The following MAP3K4 variants were observed in gnomAD, a reference collection of about 807,000 sequenced individuals.
The protein encoded by MAP3K4 is mitogen-activated protein kinase kinase kinase 4.
A neutral mutation model predicts 185.6 loss-of-function variants in MAP3K4; 67 were observed. The observed-to-expected ratio is 0.36, with a 90% CI of 0.30 to 0.44. The LOEUF (loss-of-function observed/expected upper bound fraction) is 0.44. Among genes scored for constraint, MAP3K4 ranks in the 20% least tolerant of loss-of-function variants. The probability of loss-of-function intolerance (pLI) is 1.00; values close to 1 mark genes in which losing one functional copy is unlikely to be tolerated. For missense variants in MAP3K4, 1,551 were observed against 1,995.1 expected (o/e 0.78, Z 4.24); for synonymous variants, 702 against 710.4 (o/e 0.99, Z 0.19).
At position 161,091,987 on chromosome 6, in the gene MAP3K4, A is replaced by T. The variant is rs757911317; in HGVS notation, c.3136-23A>T. On this transcript the variant is annotated intron_variant, in intron 12 of 26. Coordinates refer to ENST00000392142, the MANE Select transcript of MAP3K4 (RefSeq NM_005922.4). This position sits in a 1 kb window ranked among gnomAD's most constrained non-coding sequence, Gnocchi z 5.5. ...TTTAATGATCATTTCCTTAATGTTG[A>T]TATACATGAAATCTTCTTACAGTAT... 8.2e-6 allele frequency: 13 copies of T among 1,589,928 alleles called. No homozygotes were observed. Among genetic ancestry groups the T allele is most frequent in the Non-Finnish European group, 1.1e-5 (13 of 1,158,542 alleles).
rs1785417211 is a variant in MAP3K4 at position 161,080,818 on chromosome 6, G to T, written c.2098-63G>T. The stretch of plus-strand genomic sequence containing the variant: ...TACCCTGCTGATGTGTAGCTTTCAG[G>T]TGAGAGCGCTGAGTTGCCAAGTTCT... On this transcript the variant is annotated intron_variant, in intron 5 of 26. Coordinates refer to ENST00000392142, the MANE Select transcript of MAP3K4 (RefSeq NM_005922.4). This position sits in a 1 kb window ranked among gnomAD's most constrained non-coding sequence, Gnocchi z 4.8. 1 of 1,478,160 alleles carries T rather than the reference G, an allele frequency of 6.8e-7. No individual in the cohort carries two copies. Among genetic ancestry groups the T allele is most frequent in the African/African-American group, 1.4e-5 (1 of 71,898 alleles). The allele number at this position is 1,478,160 out of a possible 1,614,324, so 91.6% of individuals were successfully genotyped here.
Position 161,098,086 on chromosome 6 carries a change from C to CA in MAP3K4, c.3525-184dup, listed in dbSNP as rs920151679. ...TGGACAACAGGGTGCGATGCTGTCT[C>CA]AAAAAAAAGAAAAGCTTTGAAGTTA... On this transcript the variant is annotated intron_variant, in intron 16 of 26. Coordinates refer to ENST00000392142, the MANE Select transcript of MAP3K4 (RefSeq NM_005922.4). The surrounding 1 kb of genome is among the most constrained non-coding windows in gnomAD (Gnocchi z 4.4). Among the ~76,000 whole-genome samples the CA allele has an allele frequency of 5.3e-5, 8 of 151,158 alleles. No homozygotes were observed. Among genetic ancestry groups the CA allele is most frequent in the Non-Finnish European group, 8.9e-5 (6 of 67,762 alleles).
In MAP3K4 at chr6:161,081,000, C is replaced by T; in HGVS notation, c.2217C>T (p.Tyr739=). Residue 739 remains tyrosine (Y), a synonymous_variant, in exon 6 of 27, where the codon TAC becomes TAT. Transcript: ENST00000392142. The surrounding 1 kb of genome is among the most constrained non-coding windows in gnomAD (Gnocchi z 4.8). ...ATTTCACCAAAGAAATAACTCATTACATACGGGGAGGAGAAGCACAGGCCG... is the reference window on the plus strand; with the variant it reads ...ATTTCACCAAAGAAATAACTCATTATATACGGGGAGGAGAAGCACAGGCCG... The part of the protein sequence containing the change: ...EWNFTKEITH[Y]IRGGEAQAGK... The T allele has an allele frequency of 1.2e-6, 2 of 1,614,128 alleles. No homozygotes were observed. Among genetic ancestry groups the T allele is most frequent in the South Asian group, 2.2e-5 (2 of 91,064 alleles).
chr6:161,083,131 C>T (rs1174846186), intron 6 of MAP3K4, among the ~76,000 whole-genome samples: 1 of 152,146 alleles, frequency 6.6e-6, no homozygotes, highest in African/African-American at 2.4e-5. Flanking sequence ...GCATGGAGTG[C>T]TCTTCCTCCC....
At chr6:160,994,485 T>C (rs887569122) in intron 1 of MAP3K4, among the ~76,000 whole-genome samples, 3 of 152,172 alleles carry the variant, frequency 2.0e-5, no homozygotes, top group Non-Finnish European at 2.9e-5. Flanking sequence ...CATGGCTGAG[T>C]AGTAGTCCAT....
chr6:161,108,488 C>T lies in MAP3K4; in HGVS notation c.4120-255C>T, dbSNP rs1325702640. Among the ~76,000 whole-genome samples, 1 of 152,100 alleles carries T rather than the reference C, an allele frequency of 6.6e-6. No homozygotes were observed. The highest frequency in any genetic ancestry group is 1.5e-5 in the Non-Finnish European group (1 of 68,032). ...TCTTGCACTTGCCGTGGAGCCGCGT[C>T]CTCCTCCACATGGCGCTCCTCACTC... On this transcript the variant is annotated intron_variant, in intron 21 of 26. Transcript: ENST00000392142. The surrounding 1 kb of genome is among the most constrained non-coding windows in gnomAD (Gnocchi z 5.7).
chr6:161,087,087 T>C lies in MAP3K4; in HGVS notation c.2556+420T>C, dbSNP rs992138216. On this transcript the variant is annotated intron_variant, in intron 9 of 26. Coordinates refer to ENST00000392142, the MANE Select transcript of MAP3K4 (RefSeq NM_005922.4). This position sits in a 1 kb window ranked among gnomAD's most constrained non-coding sequence, Gnocchi z 4.9. ...CCACTTTTTGAGTCAGCAACTTTAC[T>C]CCACTTTAAGTTGTTGGAGATTTAG... 6.6e-6 allele frequency among the ~76,000 whole-genome samples: 1 copy of C among 152,204 alleles called. No individual in the cohort carries two copies. The highest frequency in any genetic ancestry group is 1.5e-5 in the Non-Finnish European group (1 of 68,030).
intron 1 of MAP3K4, among the ~76,000 whole-genome samples, chr6:160,998,600 A>G (rs1020856312): frequency 2.6e-5 from 4 of 152,208 alleles, no homozygotes; most frequent in African/African-American, 9.6e-5. Context: ...CTGCTTTTAA[A>G]AAACTATTTA....
Position 161,015,098 on chromosome 6 carries a change from A to G in MAP3K4, c.153-19161A>G, listed in dbSNP as rs187988415. Reference sequence around the variant, plus strand: ...AGTATAAATTATAGTGCATTCATTTATATGGTGTCAACAGTATTCTCTTTA... The same window carrying G: ...AGTATAAATTATAGTGCATTCATTTGTATGGTGTCAACAGTATTCTCTTTA... On this transcript the variant is annotated intron_variant, in intron 1 of 26. Transcript: ENST00000392142. Among the ~76,000 whole-genome samples, 7 of 152,346 alleles carry G rather than the reference A, an allele frequency of 4.6e-5. No individual in the cohort carries two copies. The East Asian group carries it at 9.6e-4, about 21-fold the overall frequency.
chr6:161,023,135 A>G (rs957539341), intron 1 of MAP3K4, among the ~76,000 whole-genome samples: 1 of 152,152 alleles, frequency 6.6e-6, no homozygotes, highest in Non-Finnish European at 1.5e-5. Flanking sequence ...TCAATCTTCC[A>G]CCATCTGTGT....
chr6:161,020,080 G>C (rs1030089038), intron 1 of MAP3K4, among the ~76,000 whole-genome samples: 1 of 152,202 alleles, frequency 6.6e-6, no homozygotes, highest in East Asian at 1.9e-4. Context: ...TTTGTAGTTT[G>C]AGCATTGGCT....
chr6:161,034,456 C>T lies in MAP3K4; in HGVS notation c.343+7C>T. The T allele has an allele frequency of 6.2e-7, 1 of 1,612,296 alleles. No homozygotes were observed. The highest frequency in any genetic ancestry group is 8.5e-7 in the Non-Finnish European group (1 of 1,178,752). ...AGTCGGTCTAATTTGAAAGGTGAGTCTTGTACTTGAAAAGAGGTGTACATG... is the reference window on the plus strand; with the variant it reads ...AGTCGGTCTAATTTGAAAGGTGAGTTTTGTACTTGAAAAGAGGTGTACATG... On this transcript the variant is annotated splice_region_variant and intron_variant, in intron 2 of 26. Coordinates refer to ENST00000392142, the MANE Select transcript of MAP3K4 (RefSeq NM_005922.4). This position sits in a 1 kb window ranked among gnomAD's most constrained non-coding sequence, Gnocchi z 4.4.
At chr6:161,062,674 C>T (rs79280973) in intron 3 of MAP3K4, among the ~76,000 whole-genome samples, 3,798 of 152,260 alleles carry the variant, frequency 0.025, 170 homozygotes, top group African/African-American at 0.087. Context: ...ATTTGTTATT[C>T]ATTCTTTTGA....
intron 2 of MAP3K4, among the ~76,000 whole-genome samples, chr6:161,036,238 C>T (rs1783160108): frequency 6.6e-6 from 1 of 152,160 alleles, no homozygotes; most frequent in African/African-American, 2.4e-5. Flanking sequence ...GAAGGAGCCT[C>T]AGAGATCATT....
intron 6 of MAP3K4, among the ~76,000 whole-genome samples, chr6:161,081,879 C>A (rs111349056): frequency 1.1e-4 from 16 of 152,140 alleles, no homozygotes; most frequent in African/African-American, 3.6e-4. Context: ...TATAAAGTCT[C>A]ATTCATAAGA....
At chr6:161,032,124 A>C (rs146105932) in intron 1 of MAP3K4, among the ~76,000 whole-genome samples, 15 of 152,246 alleles carry the variant, frequency 9.9e-5, no homozygotes, top group African/African-American at 2.4e-5. Context: ...GTAATAAAAT[A>C]TAGTCTTTTC....
intron 2 of MAP3K4, among the ~76,000 whole-genome samples, chr6:161,044,572 C>A (rs993932457): frequency 2.0e-5 from 3 of 152,134 alleles, no homozygotes; most frequent in African/African-American, 7.2e-5. Context: ...AGTCATAAGT[C>A]CCTTATGATT....
At chr6:161,020,099 G>C (rs1782307223) in intron 1 of MAP3K4, among the ~76,000 whole-genome samples, 1 of 152,194 alleles carries the variant, frequency 6.6e-6, no homozygotes, top group African/African-American at 2.4e-5. Flanking sequence ...CTTTGAATTA[G>C]TTATGCATCT....
chr6:161,114,320 A>G lies in MAP3K4; in HGVS notation c.4627-803A>G, dbSNP rs1311410760. 6.6e-6 allele frequency among the ~76,000 whole-genome samples: 1 copy of G among 152,206 alleles called. No individual in the cohort carries two copies. Among genetic ancestry groups the G allele is most frequent in the Non-Finnish European group, 1.5e-5 (1 of 68,036 alleles). Reference sequence around the variant, plus strand: ...CTGCACATGGTAGCTTACCGTACACATACAGTATTATAGCAAAAAAGTTAG... The same window carrying G: ...CTGCACATGGTAGCTTACCGTACACGTACAGTATTATAGCAAAAAAGTTAG... On this transcript the variant is annotated intron_variant, in intron 25 of 26. Coordinates refer to ENST00000392142, the MANE Select transcript of MAP3K4 (RefSeq NM_005922.4). The surrounding 1 kb of genome is among the most constrained non-coding windows in gnomAD (Gnocchi z 4.3).
Sources: gnomAD v4.1 joint callset for allele counts (sites outside exome capture counted in the v4.1 genomes callset) on GRCh38, gnomAD v4.1.1 for gene constraint, Gnocchi (gnomAD v3.1) non-coding constraint, MANE v1.5 for transcripts, NCBI Gene and HGNC (gene_info 2026-07-23, HGNC 2026-07-21) for gene names.